Variants in DTHD1 observed in about 807,000 individuals in gnomAD.
DTHD1 encodes the protein death domain-containing protein 1.
Under a neutral mutation model 74.8 loss-of-function variants are expected in DTHD1, and 59 were observed. That is an observed-to-expected ratio of 0.79 (90% CI 0.64 to 0.98). The LOEUF (loss-of-function observed/expected upper bound fraction) is 0.98. DTHD1 is among the 50% of genes least tolerant of loss of function. The pLI, the probability that DTHD1 is intolerant of heterozygous loss-of-function variation, is 0.00. For synonymous variants in DTHD1, 365 were observed against 371.1 expected (o/e 0.98, Z 0.19); for missense variants, 1,051 against 1,065.4 (o/e 0.99, Z 0.19).
chr4:36,306,036 T>G (rs922718708), intron 5 of DTHD1, among the ~76,000 whole-genome samples, 155 bp from the exon 6 acceptor site: 1 of 152,254 alleles, frequency 6.6e-6, no homozygotes, highest in Non-Finnish European at 1.5e-5. Context: ...TTATATAGTT[T>G]GATCTCTGTG....
chr4:36,321,516 C>A (rs993087), intron 8 of DTHD1, among the ~76,000 whole-genome samples: 101,814 of 152,056 alleles, frequency 0.67, 34,403 homozygotes, highest in African/African-American at 0.72. Flanking sequence ...TCACCCCCAG[C>A]TGGGAACTTC....
rs1028369845 is a variant in DTHD1, at chr4:36,308,418, G to C, written c.2020G>C (p.Glu674Gln). The C allele has an allele frequency of 6.4e-7, 1 of 1,551,718 alleles. No individual in the cohort carries two copies. The highest frequency in any genetic ancestry group is 8.7e-7 in the Non-Finnish European group (1 of 1,147,020). The change falls in exon 7 of 10, where the codon GAG (glutamate) becomes CAG (glutamine). Residue 674 changes from glutamate to glutamine, a missense_variant. Glu to Gln is a conservative substitution (Grantham distance 29, BLOSUM62 2). Coordinates refer to ENST00000639862, the MANE Select transcript of DTHD1 (RefSeq NM_001170700.3). ...CTTGGAAGGGTTTGGAGGACCTCCA[G>C]AGCCATCTCGTCATTTCCAAGTTCG... ...LHLEGFGGPP[E>Q]PSRHFQVREG...
intron 2 of DTHD1, among the ~76,000 whole-genome samples, chr4:36,288,911 A>C (rs1321267503): frequency 6.6e-6 from 1 of 152,124 alleles, no homozygotes; most frequent in Non-Finnish European, 1.5e-5. Flanking sequence ...AATGTTTCTC[A>C]TTTTCTGAAT....
At chr4:36,302,868 C>G (rs1756854555) in intron 5 of DTHD1, among the ~76,000 whole-genome samples, 1 of 152,072 alleles carries the variant, frequency 6.6e-6, no homozygotes, top group Admixed American at 6.6e-5. Flanking sequence ...AAAAAGTTAA[C>G]CTCAAAACAT....
chr4:36,301,048 A>G (rs1756740828), intron 5 of DTHD1, among the ~76,000 whole-genome samples: 3 of 152,206 alleles, frequency 2.0e-5, no homozygotes, highest in African/African-American at 7.2e-5. Flanking sequence ...TTTCCCAGTT[A>G]GAGAAACAAA....
At chr4:36,293,118 A>C (rs1401930371) in intron 3 of DTHD1, among the ~76,000 whole-genome samples, 1 of 152,232 alleles carries the variant, frequency 6.6e-6, no homozygotes, top group East Asian at 1.9e-4. Context: ...CAAATAATGG[A>C]ATTCCAGTCC....
chr4:36,310,605 T>A (rs1284067530), intron 7 of DTHD1, among the ~76,000 whole-genome samples: 1 of 152,176 alleles, frequency 6.6e-6, no homozygotes, highest in African/African-American at 2.4e-5. Flanking sequence ...GGATCCGATT[T>A]AATTTTATTA....
chr4:36,282,486 T>C (rs1475756288), intron 1 of DTHD1, among the ~76,000 whole-genome samples: 1 of 152,180 alleles, frequency 6.6e-6, no homozygotes, highest in Non-Finnish European at 1.5e-5. Context: ...CATTTGAGCT[T>C]AGCCTTATTG....
intron 1 of DTHD1, 121 bp from the exon 2 acceptor site, chr4:36,283,855 C>T (rs1032782447): frequency 2.8e-6 from 2 of 704,596 alleles, no homozygotes; most frequent in East Asian, 5.4e-5. Flanking sequence ...CTTAAATGCA[C>T]AGTAAAGGTC....
chr4:36,306,746 A>G (rs1757078105), intron 6 of DTHD1, among the ~76,000 whole-genome samples: 1 of 152,218 alleles, frequency 6.6e-6, no homozygotes. Context: ...TGTTTTCTAG[A>G]CAGCCCATTA....
intron 8 of DTHD1, among the ~76,000 whole-genome samples, chr4:36,319,389 G>C (rs1757930842): frequency 6.6e-6 from 1 of 152,206 alleles, no homozygotes; most frequent in African/African-American, 2.4e-5. Flanking sequence ...CCGTAGTTTA[G>C]AGCCTGATTC....
At chr4:36,295,260 A>C (rs549726685) in intron 5 of DTHD1, among the ~76,000 whole-genome samples, 2 of 152,276 alleles carry the variant, frequency 1.3e-5, no homozygotes, top group African/African-American at 4.8e-5. Flanking sequence ...TGGAGACAAT[A>C]AGAACTCTAG....
At chr4:36,336,657 G>C (rs1227297208) in intron 8 of DTHD1, among the ~76,000 whole-genome samples, 5 of 152,022 alleles carry the variant, frequency 3.3e-5, no homozygotes, top group Non-Finnish European at 7.4e-5. Context: ...TTCACAGCTT[G>C]GTCTCTCTGC....
At chr4:36,314,961 A>G (rs1385070301) in intron 7 of DTHD1, among the ~76,000 whole-genome samples, 1 of 152,152 alleles carries the variant, frequency 6.6e-6, no homozygotes, top group Non-Finnish European at 1.5e-5. Context: ...AAGCTAAGGG[A>G]AGCTCAGGCT....
At chr4:36,316,620 G>A in intron 8 of DTHD1, 134 bp downstream of exon 8, 1 of 876,894 alleles carries the variant, frequency 1.1e-6, no homozygotes, top group Non-Finnish European at 1.7e-6. Flanking sequence ...AGAAGGAGTA[G>A]GTAGGTCCAA....
At chr4:36,335,008 T>C (rs1247219924) in intron 8 of DTHD1, among the ~76,000 whole-genome samples, 4 of 152,206 alleles carry the variant, frequency 2.6e-5, no homozygotes, top group Non-Finnish European at 5.9e-5. Flanking sequence ...AGTGAATGTC[T>C]AATTGGGGAG....
intron 6 of DTHD1, among the ~76,000 whole-genome samples, chr4:36,307,241 A>G (rs912985405): frequency 4.6e-5 from 7 of 152,212 alleles, no homozygotes; most frequent in Non-Finnish European, 7.3e-5. Flanking sequence ...GGCTTAAACA[A>G]CAGAAACTTA....
intron 5 of DTHD1, among the ~76,000 whole-genome samples, chr4:36,300,532 A>G (rs562379991): frequency 5.3e-5 from 8 of 150,592 alleles, no homozygotes; most frequent in Admixed American, 4.0e-4. Flanking sequence ...GGTTTGGAAA[A>G]TTTCAAAAGA....
At chr4:36,287,094 T>G (rs945713387) in intron 2 of DTHD1, among the ~76,000 whole-genome samples, 2 of 152,212 alleles carry the variant, frequency 1.3e-5, no homozygotes, top group African/African-American at 4.8e-5. Flanking sequence ...CAGTGTACAC[T>G]GTACCCAATG....
Sources: allele counts gnomAD v4.1 joint callset (sites outside exome capture counted in the v4.1 genomes callset), GRCh38; gene constraint gnomAD v4.1.1; transcripts MANE v1.5; gene names NCBI Gene and HGNC (gene_info 2026-07-23, HGNC 2026-07-21).